The following OSBPL3 variants were observed in gnomAD, a reference collection of about 807,000 sequenced individuals.
OSBPL3 encodes oxysterol-binding protein-related protein 3.
In OSBPL3, 65 loss-of-function variants were observed where a neutral mutation model predicts 120.1. The ratio of observed to expected loss-of-function variants is 0.54; its 90% CI spans 0.44 to 0.67. OSBPL3 has a LOEUF of 0.67. Ranked by LOEUF, OSBPL3 falls within the 30% of genes least tolerant of loss-of-function variation. The pLI is 0.00. For missense variants in OSBPL3, 1,004 were observed against 1,082.1 expected (o/e 0.93, Z 1.01); for synonymous variants, 416 against 402.6 (o/e 1.03, Z -0.40).
At chr7:24,812,457 C>A (rs542022578) in intron 19 of OSBPL3, among the ~76,000 whole-genome samples, 1 of 152,010 alleles carries the variant, frequency 6.6e-6, no homozygotes, top group South Asian at 2.1e-4. Flanking sequence ...TCAGCTCAGG[C>A]CAGTCCAGCC....
intron 7 of OSBPL3, among the ~76,000 whole-genome samples, chr7:24,864,688 A>T (rs1346740167): frequency 6.6e-6 from 1 of 151,860 alleles, no homozygotes; most frequent in African/African-American, 2.4e-5. Context: ...CCTAAATCCC[A>T]CCCCCAGACA....
At position 24,852,911 on chromosome 7, in the gene OSBPL3, C is replaced by T. The variant is rs1287425930; in HGVS notation, c.1028-277G>A. 3.3e-5 allele frequency among the ~76,000 whole-genome samples: 5 copies of T among 151,992 alleles called. No individual in the cohort carries two copies. The highest frequency in any genetic ancestry group is 6.6e-5 in the Admixed American group (1 of 15,248). ...GTGTGGGATGCTGATGGCGGGGGGA[C>T]GGTGCCTACATGGGAGCAGGGGGCT... On this transcript the variant is annotated intron_variant, in intron 10 of 22. Coordinates refer to ENST00000313367, the MANE Select transcript of OSBPL3 (RefSeq NM_015550.4). This position sits in a 1 kb window ranked among gnomAD's most constrained non-coding sequence, Gnocchi z 4.1.
chr7:24,855,484 C>T lies in OSBPL3; in HGVS notation c.1028-2850G>A, dbSNP rs1799729242. On this transcript the variant is annotated intron_variant, in intron 10 of 22. Transcript: ENST00000313367. The surrounding 1 kb of genome is among the most constrained non-coding windows in gnomAD (Gnocchi z 4.3). Reference sequence around the variant, plus strand: ...ATAAGCAGAAAGAAACTCATATAGTCATTATATTTTATTGTAAGGAATAAA... The same window carrying T: ...ATAAGCAGAAAGAAACTCATATAGTTATTATATTTTATTGTAAGGAATAAA... 6.6e-6 allele frequency among the ~76,000 whole-genome samples: 1 copy of T among 152,136 alleles called. No homozygotes were observed. The highest frequency in any genetic ancestry group is 1.5e-5 in the Non-Finnish European group (1 of 68,034).
rs1269384900 is a variant in OSBPL3, at chr7:24,805,639, T to C, written c.2444+1137A>G. 7.2e-5 allele frequency among the ~76,000 whole-genome samples: 11 copies of C among 152,202 alleles called. No individual in the cohort carries two copies. Among genetic ancestry groups the C allele is most frequent in the Non-Finnish European group, 1.5e-5 (1 of 68,038 alleles). On this transcript the variant is annotated intron_variant, in intron 21 of 22. Coordinates refer to ENST00000313367, the MANE Select transcript of OSBPL3 (RefSeq NM_015550.4). This position sits in a 1 kb window ranked among gnomAD's most constrained non-coding sequence, Gnocchi z 4.0. ...CGAAACAGTACAAGCATAATGTGCA[T>C]AGCAAGATAGCTTGAAGCATTCTAT...
intron 14 of OSBPL3, among the ~76,000 whole-genome samples, chr7:24,837,984 T>A (rs1028750600): frequency 3.3e-5 from 5 of 152,154 alleles, no homozygotes; most frequent in African/African-American, 1.2e-4. Context: ...ACTCAAAGAA[T>A]AACAGTGTAG....
rs79981774 is a variant in OSBPL3 at position 24,847,423 on chromosome 7, T to C, written c.1266+1646A>G. Reference sequence around the variant, plus strand: ...TCACTGATTCAAGACTCAAGAAGGCTGTTTTGGAAGGTGTGCATTTGAAGG... The same window carrying C: ...TCACTGATTCAAGACTCAAGAAGGCCGTTTTGGAAGGTGTGCATTTGAAGG... On this transcript the variant is annotated intron_variant, in intron 12 of 22. Transcript: ENST00000313367. 8.3e-3 allele frequency among the ~76,000 whole-genome samples: 1,270 copies of C among 152,308 alleles called. 14 individuals are homozygous for C. Among genetic ancestry groups the C allele is most frequent in the African/African-American group, 0.029 (1,220 of 41,564 alleles).
At chr7:24,924,772 C>T (rs1394261899) in intron 1 of OSBPL3, among the ~76,000 whole-genome samples, 1 of 152,160 alleles carries the variant, frequency 6.6e-6, no homozygotes, top group African/African-American at 2.4e-5. Flanking sequence ...TGACAGTAAT[C>T]AGAAGGCTGT....
In OSBPL3 at chr7:24,918,151, T is replaced by C. The variant is rs567767153; in HGVS notation, c.-149-25530A>G. 383 of 770,650 alleles carry C rather than the reference T, an allele frequency of 5.0e-4. No homozygotes were observed. Among genetic ancestry groups the C allele is most frequent in the Non-Finnish European group, 5.7e-4 (361 of 634,016 alleles). The allele number at this position is 770,650 out of a possible 1,614,324, so 47.7% of individuals were successfully genotyped here. A position where few individuals can be genotyped will look rare whatever the true frequency, so the allele number is the denominator to read the frequency against. On this transcript the variant is annotated intron_variant, in intron 1 of 22. Coordinates refer to ENST00000313367, the MANE Select transcript of OSBPL3 (RefSeq NM_015550.4). This position sits in a 1 kb window ranked among gnomAD's most constrained non-coding sequence, Gnocchi z 4.3. ...GCCAGTAATGACACCTGGATACTCT[T>C]TGTTTACAGTTTCATGTACAGACCT...
In OSBPL3 at chr7:24,838,478, A is replaced by G. The variant is rs182109648; in HGVS notation, c.1495+2212T>C. 2.2e-3 allele frequency among the ~76,000 whole-genome samples: 330 copies of G among 152,354 alleles called. 2 individuals are homozygous for G. The highest frequency in any genetic ancestry group is 0.01 in the Middle Eastern group (3 of 294). On this transcript the variant is annotated intron_variant, in intron 14 of 22. Transcript: ENST00000313367. ...ACCACTGCACTCCAGCCTGGGCGACAGAGTGAGACCCTGTCTTCATACACA... is the reference window on the plus strand; with the variant it reads ...ACCACTGCACTCCAGCCTGGGCGACGGAGTGAGACCCTGTCTTCATACACA...
At position 24,855,998 on chromosome 7, in the gene OSBPL3, T is replaced by C. The variant is rs1448477911; in HGVS notation, c.1028-3364A>G. Among the ~76,000 whole-genome samples the C allele has an allele frequency of 2.0e-5, 3 of 152,190 alleles. No individual in the cohort carries two copies. Among genetic ancestry groups the C allele is most frequent in the Non-Finnish European group, 4.4e-5 (3 of 68,022 alleles). ...GAGCACTTGCTATCTCCTAAAATGG[T>C]ACATTCTGCTCTGGGACTTAGAAAG... is the stretch of plus-strand genomic sequence containing the variant. On this transcript the variant is annotated intron_variant, in intron 10 of 22. Transcript: ENST00000313367. This position sits in a 1 kb window ranked among gnomAD's most constrained non-coding sequence, Gnocchi z 4.3.
intron 12 of OSBPL3, among the ~76,000 whole-genome samples, chr7:24,843,882 C>G (rs1029785037): frequency 6.6e-5 from 10 of 152,222 alleles, no homozygotes; most frequent in African/African-American, 1.4e-4. Context: ...CTCACTCAAA[C>G]AAGAGAATAG....
intron 14 of OSBPL3, among the ~76,000 whole-genome samples, chr7:24,837,018 A>G (rs1797084953): frequency 6.6e-6 from 1 of 151,868 alleles, no homozygotes; most frequent in Non-Finnish European, 1.5e-5. Flanking sequence ...GTATTTTTGT[A>G]GAGATGAGAT....
intron 2 of OSBPL3, among the ~76,000 whole-genome samples, chr7:24,887,449 G>T (rs1240418321): frequency 6.6e-6 from 1 of 152,202 alleles, no homozygotes; most frequent in African/African-American, 2.4e-5. Context: ...CAGCTCATCC[G>T]TAATTATACC....
At chr7:24,816,749 C>T in intron 17 of OSBPL3, 61 bp from the exon 18 acceptor site, 3 of 1,050,890 alleles carry the variant, frequency 2.9e-6, no homozygotes, top group Non-Finnish European at 4.5e-6. Flanking sequence ...GAAATAGTTC[C>T]TAGGCTAGAT....
At position 24,930,040 on chromosome 7, in the gene OSBPL3, G is replaced by A. The variant is rs1441696692; in HGVS notation, c.-149-37419C>T. On this transcript the variant is annotated intron_variant, in intron 1 of 22. Coordinates refer to ENST00000313367, the MANE Select transcript of OSBPL3 (RefSeq NM_015550.4). The surrounding 1 kb of genome is among the most constrained non-coding windows in gnomAD (Gnocchi z 4.4). ...AGGGTAAAGTAAAGGTGAAGGCATCGTTAATGATAAAGGAAGGAAAATATC... is the reference window on the plus strand; with the variant it reads ...AGGGTAAAGTAAAGGTGAAGGCATCATTAATGATAAAGGAAGGAAAATATC... Among the ~76,000 whole-genome samples, 4 of 152,138 alleles carry A rather than the reference G, an allele frequency of 2.6e-5. No homozygotes were observed. Among genetic ancestry groups the A allele is most frequent in the Non-Finnish European group, 5.9e-5 (4 of 68,004 alleles).
In OSBPL3 at chr7:24,939,919, G is replaced by C. The variant is rs188558140; in HGVS notation, c.-150+39967C>G. On this transcript the variant is annotated intron_variant, in intron 1 of 22. Coordinates refer to ENST00000313367, the MANE Select transcript of OSBPL3 (RefSeq NM_015550.4). The surrounding 1 kb of genome is among the most constrained non-coding windows in gnomAD (Gnocchi z 4.2). ...TTAAAACCTAGATGATGGGTTGGCA[G>C]GTGCAGCAAATCACCATGGCACATG... Among the ~76,000 whole-genome samples, 78 of 152,266 alleles carry C rather than the reference G, an allele frequency of 5.1e-4. No homozygotes were observed. The highest frequency in any genetic ancestry group is 1.9e-3 in the African/African-American group (77 of 41,558).
At position 24,918,936 on chromosome 7, in the gene OSBPL3, G is replaced by A. The variant is rs183985962; in HGVS notation, c.-149-26315C>T. ...CTAACATTTCCCAGGTACAATGCTA[G>A]ATGCTCTTACATACGTCACATTATT... On this transcript the variant is annotated intron_variant, in intron 1 of 22. Coordinates refer to ENST00000313367, the MANE Select transcript of OSBPL3 (RefSeq NM_015550.4). The surrounding 1 kb of genome is among the most constrained non-coding windows in gnomAD (Gnocchi z 4.3). Among the ~76,000 whole-genome samples the A allele has an allele frequency of 6.6e-6, 1 of 152,312 alleles. No homozygotes were observed. Among genetic ancestry groups the A allele is most frequent in the East Asian group, 1.9e-4 (1 of 5,188 alleles).
rs776823119 is a variant in OSBPL3 at position 24,930,287 on chromosome 7, A to C, written c.-149-37666T>G. Among the ~76,000 whole-genome samples the C allele has an allele frequency of 1.2e-4, 19 of 152,194 alleles. No individual in the cohort carries two copies. The highest frequency in any genetic ancestry group is 2.4e-4 in the Non-Finnish European group (16 of 68,016). ...CTAAAATAAAAAAAATGTGCAAATA[A>C]AACATCTGGTGTTTGTAGGAATACA... On this transcript the variant is annotated intron_variant, in intron 1 of 22. Coordinates refer to ENST00000313367, the MANE Select transcript of OSBPL3 (RefSeq NM_015550.4). This position sits in a 1 kb window ranked among gnomAD's most constrained non-coding sequence, Gnocchi z 4.4.
chr7:24,798,614 T>G lies in OSBPL3; in HGVS notation c.*1569A>C, dbSNP rs1221469970. ...AGATTCCAGAAGGCTACACATCCAC[T>G]TTAAATAACTCTCCATTTTGAAAAT... On this transcript the variant is annotated 3_prime_UTR_variant, in exon 23 of 23. Coordinates refer to ENST00000313367, the MANE Select transcript of OSBPL3 (RefSeq NM_015550.4). The surrounding 1 kb of genome is among the most constrained non-coding windows in gnomAD (Gnocchi z 4.6). 2 of 152,244 alleles carry G rather than the reference T, an allele frequency of 1.3e-5. No individual in the cohort carries two copies. Among genetic ancestry groups the G allele is most frequent in the Non-Finnish European group, 2.9e-5 (2 of 68,026 alleles). The allele number at this position is 152,244 out of a possible 1,614,324, so 9.4% of individuals were successfully genotyped here.
Sources: gnomAD v4.1 joint callset for allele counts (sites outside exome capture counted in the v4.1 genomes callset) on GRCh38, gnomAD v4.1.1 for gene constraint, Gnocchi (gnomAD v3.1) non-coding constraint, MANE v1.5 for transcripts, NCBI Gene and HGNC (gene_info 2026-07-23, HGNC 2026-07-21) for gene names.